The following CCDC169 variants were observed in gnomAD, a reference collection of about 807,000 sequenced individuals.
CCDC169 encodes the protein coiled-coil domain-containing protein 169.
Under a neutral mutation model 36.0 loss-of-function variants are expected in CCDC169, and 30 were observed. The ratio of observed to expected loss-of-function variants is 0.83; its 90% confidence interval spans 0.62 to 1.13. The LOEUF is 1.13. Ranked by LOEUF, CCDC169 falls within the 50% of genes most tolerant of loss-of-function variation. The pLI, the probability that CCDC169 is intolerant of heterozygous loss-of-function variation, is 0.00. For synonymous variants in CCDC169, 85 were observed against 81.5 expected, an observed-to-expected ratio of 1.04 and a Z score of -0.23; for missense variants, 245 against 245.9, an observed-to-expected ratio of 1.00 and a Z score of 0.03.
rs145133378 is a variant in CCDC169 at position 36,254,476 on chromosome 13, T to C, written c.316-333A>G. On this transcript the variant is annotated intron_variant, in intron 4 of 7. Coordinates refer to ENST00000239859, the MANE Select transcript of CCDC169 (RefSeq NM_001144981.3). ...GTTTTTAGTAGAGACGTGGTTTCAC[T>C]ATGTTGGCCAGGCTGGTCTCAAACT... Among the ~76,000 whole-genome samples the C allele has an allele frequency of 4.6e-3, 704 of 151,848 alleles. 6 individuals are homozygous for C. Among genetic ancestry groups the C allele is most frequent in the African/African-American group, 0.016 (663 of 41,398 alleles).
At chr13:36,240,926 T>C (rs545100155) in intron 7 of CCDC169, among the ~76,000 whole-genome samples, 1 of 152,046 alleles carries the variant, frequency 6.6e-6, no homozygotes, top group Non-Finnish European at 1.5e-5. Flanking sequence ...TTTGTCCAAT[T>C]GATATATGTA....
At chr13:36,260,140 T>C (rs913569483) in intron 4 of CCDC169, among the ~76,000 whole-genome samples, 7 of 152,266 alleles carry the variant, frequency 4.6e-5, no homozygotes, top group African/African-American at 1.4e-4. Flanking sequence ...TTGCAGCTTA[T>C]AGAGATTACA....
chr13:36,277,668 G>A (rs1876993687), intron 4 of CCDC169, among the ~76,000 whole-genome samples: 1 of 152,080 alleles, frequency 6.6e-6, no homozygotes, highest in Non-Finnish European at 1.5e-5. Flanking sequence ...TTTATTAAGA[G>A]GGTTAAATAT....
chr13:36,241,914 C>A (rs904364738), intron 7 of CCDC169, among the ~76,000 whole-genome samples: 1 of 152,032 alleles, frequency 6.6e-6, no homozygotes, highest in Non-Finnish European at 1.5e-5. Context: ...GGCGGACCTC[C>A]CCCTTAGTGT....
intron 7 of CCDC169, among the ~76,000 whole-genome samples, chr13:36,238,544 T>C (rs1163443396): frequency 6.6e-6 from 1 of 152,204 alleles, no homozygotes; most frequent in Non-Finnish European, 1.5e-5. Context: ...TTAAAAATGA[T>C]TTCTTCTGGT....
At chr13:36,283,249 C>T (rs1877757646) in intron 4 of CCDC169, 1 of 575,036 alleles carries the variant, frequency 1.7e-6, no homozygotes, top group Non-Finnish European at 3.1e-6. Flanking sequence ...AATATCTATA[C>T]ATGCTCTGCT....
At chr13:36,228,753 G>A (rs1870113084), downstream of CCDC169, among the ~76,000 whole-genome samples, 1 of 152,090 alleles carries the variant, frequency 6.6e-6, no homozygotes. Flanking sequence ...GTTTTGCCAT[G>A]TTGCTCAGGC....
At chr13:36,247,034 T>A (rs756749953) in intron 7 of CCDC169, among the ~76,000 whole-genome samples, 1 of 152,188 alleles carries the variant, frequency 6.6e-6, no homozygotes, top group Admixed American at 6.5e-5. Context: ...TAATGCTCAA[T>A]TACCATTCTG....
chr13:36,246,893 T>C (rs867348057), intron 7 of CCDC169, among the ~76,000 whole-genome samples: 3 of 152,236 alleles, frequency 2.0e-5, no homozygotes, highest in Non-Finnish European at 2.9e-5. Context: ...TAAAAAAATA[T>C]ATATGGAGGA....
At chr13:36,294,889 T>C (rs1012573603) in intron 2 of CCDC169, among the ~76,000 whole-genome samples, 5 of 152,024 alleles carry the variant, frequency 3.3e-5, no homozygotes, top group South Asian at 2.1e-4. Context: ...ACCGATTAGG[T>C]TGGGGGTCAA....
At chr13:36,268,403 T>C (rs561572927) in intron 4 of CCDC169, among the ~76,000 whole-genome samples, 16 of 152,126 alleles carry the variant, frequency 1.1e-4, no homozygotes, top group Non-Finnish European at 2.4e-4. Flanking sequence ...AAGATGGAAA[T>C]TTAGAAATTC....
chr13:36,257,443 T>C (rs999646517), intron 4 of CCDC169, among the ~76,000 whole-genome samples: 1 of 152,164 alleles, frequency 6.6e-6, no homozygotes, highest in Admixed American at 6.5e-5. Flanking sequence ...TGGTGGCTCA[T>C]GCCTGTAATC....
At chr13:36,236,232 G>A (rs575484493) in intron 7 of CCDC169, among the ~76,000 whole-genome samples, 5 of 151,930 alleles carry the variant, frequency 3.3e-5, no homozygotes, top group African/African-American at 1.2e-4. Context: ...TGGAGTACTC[G>A]CACTTCTTGA....
intron 7 of CCDC169, among the ~76,000 whole-genome samples, chr13:36,232,447 G>A (rs1373756876): frequency 2.0e-5 from 3 of 152,136 alleles, no homozygotes; most frequent in Non-Finnish European, 4.4e-5. Flanking sequence ...GCTGCCAGAG[G>A]TAGTAGATAA....
chr13:36,227,039 G>C, downstream of CCDC169: 2 of 433,182 alleles, frequency 4.6e-6, no homozygotes, highest in Non-Finnish European at 8.2e-6. Context: ...AAGTCAGCTC[G>C]AGGAGAGTTG....
chr13:36,235,637 GC>G (rs1273379197), intron 7 of CCDC169, among the ~76,000 whole-genome samples: 2 of 151,132 alleles, frequency 1.3e-5, no homozygotes, highest in Middle Eastern at 3.4e-3. Flanking sequence ...GGGCAATTAG[GC>G]AAGAAAAATA....
chr13:36,280,781 C>T (rs1422499871), intron 4 of CCDC169: 2 of 152,116 alleles, frequency 1.3e-5, no homozygotes, highest in African/African-American at 4.8e-5. Context: ...CAGCTGAATA[C>T]ATGTTGAACG....
At chr13:36,253,751 A>G (rs1349561820) in intron 6 of CCDC169, 52 bp downstream of exon 6, 10 of 1,518,652 alleles carry the variant, frequency 6.6e-6, no homozygotes, top group Non-Finnish European at 8.8e-6. Flanking sequence ...AGTGAAAAAC[A>G]TAATTTACAG....
intron 4 of CCDC169, among the ~76,000 whole-genome samples, chr13:36,270,008 G>A (rs569813920): frequency 6.6e-6 from 1 of 152,252 alleles, no homozygotes; most frequent in East Asian, 1.9e-4. Flanking sequence ...CGACATGATC[G>A]TATACCTAGA....
Sources: allele counts gnomAD v4.1 joint callset (sites outside exome capture counted in the v4.1 genomes callset), GRCh38; gene constraint gnomAD v4.1.1; transcripts MANE v1.5; gene names NCBI Gene and HGNC (gene_info 2026-07-23, HGNC 2026-07-21).